NLRP10: variants seen among roughly 807,000 people sequenced by gnomAD.
The protein encoded by NLRP10 is NACHT, LRR and PYD domains-containing protein 10.
In NLRP10, 7 loss-of-function variants were observed where a neutral mutation model predicts 8.2. That is an observed-to-expected ratio of 0.85 (90% CI 0.48 to 1.60). The LOEUF is 1.60. Ranked by LOEUF, NLRP10 falls within the 40% of genes most tolerant of loss-of-function variation. The pLI is 0.00. For missense variants in NLRP10, 814 were observed against 776.3 expected (o/e 1.05, Z -0.58); for synonymous variants, 338 against 314.0 (o/e 1.08, Z -0.81).
intron 2 of NLRP10, 78 bp from the exon 3 acceptor site, chr11:7,961,400 C>T: frequency 1.1e-6 from 1 of 893,596 alleles, no homozygotes; most frequent in Non-Finnish European, 1.7e-6. Flanking sequence ...ACTGACTCTG[C>T]TCATTAGTCT....
intron 1 of NLRP10, 55 bp from the exon 2 acceptor site, chr11:7,963,595 TG>T (rs958541882): frequency 2.1e-4 from 239 of 1,121,766 alleles, no homozygotes; most frequent in Non-Finnish European, 2.8e-4. Flanking sequence ...CCCTGCTTTC[TG>T]GGGGCTTGGC....
chr11:7,963,245 A>T lies in NLRP10; in HGVS notation c.251T>A (p.Leu84Ter). ...ATGGCTGAGCTGGTCCACAAGTTCC[A>T]ACAGGTTCATGACCTTCAAGCCCTT... The part of the protein sequence containing the change: ...VLKGLKVMNL[L>*]ELVDQLSHIC... Residue 84 changes from leucine (L) to a stop codon, truncating the protein, a stop_gained, in exon 2 of 3, where the codon TTG becomes TAG. Transcript: ENST00000691676. LOFTEE classifies it low-confidence loss of function (END_TRUNC). The T allele has an allele frequency of 1.2e-6, 2 of 1,614,182 alleles. No homozygotes were observed. Among genetic ancestry groups the T allele is most frequent in the Admixed American group, 1.7e-5 (1 of 60,024 alleles).
chr11:7,963,186 C>T (rs773445685), intron 2 of NLRP10, 21 bp downstream of exon 2: 1 of 1,607,476 alleles, frequency 6.2e-7, no homozygotes, highest in East Asian at 2.2e-5. Flanking sequence ...CTGCCCTCCC[C>T]TTCCCCCGCT....
intron 1 of NLRP10, among the ~76,000 whole-genome samples, chr11:7,964,594 C>T (rs138755408): frequency 6.1e-4 from 93 of 152,226 alleles, no homozygotes; most frequent in Middle Eastern, 3.4e-3. Flanking sequence ...GCTAGGCCAC[C>T]GGGCAAAGAG....
chr11:7,960,111 C>T lies in NLRP10; in HGVS notation c.1501G>A (p.Val501Ile). Residue 501 changes from valine (V) to isoleucine (I), a missense_variant, in exon 3 of 3, where the codon GTA becomes ATA. By Grantham distance (29) the Val-to-Ile change is conservative. Transcript: ENST00000691676. Reference sequence around the variant, plus strand: ...TCATCATTCCCTTCCTGCTCCTTTACCTCCAGCAGCCTTTGCACTTCTCTG... The same window carrying T: ...TCATCATTCCCTTCCTGCTCCTTTATCTCCAGCAGCCTTTGCACTTCTCTG... ...SRREVQRLLE[V>I]KEQEGNDEMT... The T allele has an allele frequency of 6.2e-7, 1 of 1,614,118 alleles. No individual in the cohort carries two copies. Among genetic ancestry groups the T allele is most frequent in the Non-Finnish European group, 8.5e-7 (1 of 1,179,996 alleles).
chr11:7,959,700 C>T lies in NLRP10; in HGVS notation c.1912G>A (p.Ala638Thr). ...KDNIAGTQKE[A>T]STGKGRGTEE... Reference sequence around the variant, plus strand: ...GTCCCTCTGCCTTTTCCAGTAGAAGCTTCCTTTTGTGTTCCTGCTATATTA... The same window carrying T: ...GTCCCTCTGCCTTTTCCAGTAGAAGTTTCCTTTTGTGTTCCTGCTATATTA... Residue 638 changes from alanine to threonine, a missense_variant, in exon 3 of 3, where the codon GCT becomes ACT. Coordinates refer to ENST00000691676, the MANE Select transcript of NLRP10 (RefSeq NM_001391958.1). 1 of 1,596,488 alleles carries T rather than the reference C, an allele frequency of 6.3e-7. No individual in the cohort carries two copies. The highest frequency in any genetic ancestry group is 1.2e-5 in the South Asian group (1 of 86,894).
In NLRP10 at chr11:7,961,201, T is replaced by C; in HGVS notation, c.411A>G (p.Ser137=). 1.9e-6 allele frequency: 3 copies of C among 1,613,670 alleles called. No homozygotes were observed. Among genetic ancestry groups the C allele is most frequent in the Non-Finnish European group, 2.5e-6 (3 of 1,179,852 alleles). Reference sequence around the variant, plus strand: ...CCTGCTCCGGGAAGGGGCAGGCAAGTGATTCTGGGCTCTCTGAGCTGGGCT... The same window carrying C: ...CCTGCTCCGGGAAGGGGCAGGCAAGCGATTCTGGGCTCTCTGAGCTGGGCT... ...VAKPSSESPE[S]LACPFPEQEL... The change falls in exon 3 of 3, where the codon TCA becomes TCG. Residue 137 remains serine, a synonymous_variant. Coordinates refer to ENST00000691676, the MANE Select transcript of NLRP10 (RefSeq NM_001391958.1).
In NLRP10 at chr11:7,960,820, C is replaced by T. The variant is rs112117055; in HGVS notation, c.792G>A (p.Lys264=). The change falls in exon 3 of 3, where the codon AAG becomes AAA. Residue 264 remains lysine (K), a synonymous_variant. Transcript: ENST00000691676. The part of the protein sequence containing the change: ...LQRPFEEKLK[K]RGLSPKESLL... Reference sequence around the variant, plus strand: ...GGCTCTCCTTGGGACTCAAACCCCTCTTCTTCAACTTTTCTTCAAAGGGCC... The same window carrying T: ...GGCTCTCCTTGGGACTCAAACCCCTTTTCTTCAACTTTTCTTCAAAGGGCC... The T allele has an allele frequency of 7.8e-4, 1,253 of 1,614,114 alleles. 7 individuals carry two copies. In the African/African-American group the frequency reaches 0.015, roughly 19 times the overall value.
Position 7,960,178 on chromosome 11 carries a change from G to A in NLRP10, c.1434C>T (p.Tyr478=). The change falls in exon 3 of 3, where the codon TAC becomes TAT. Residue 478 remains tyrosine, a synonymous_variant. Transcript: ENST00000691676. ...SFQDFFHAMS[Y]LVKEDQSRLG... ...GCCGGCTTTGGTCCTCTTTCACCAG[G>A]TAAGACATGGCATGAAAAAAGTCCT... is the stretch of plus-strand genomic sequence containing the variant. The A allele has an allele frequency of 1.2e-6, 2 of 1,614,132 alleles. No homozygotes were observed. Among genetic ancestry groups the A allele is most frequent in the Admixed American group, 1.7e-5 (1 of 60,016 alleles).
Position 7,960,690 on chromosome 11 carries a change from G to A in NLRP10, c.922C>T (p.Arg308Cys). ...RNLEPLLKQA[R>C]HVHILGFSEE... ...GAGAAGCCTAGGATATGGACATGAC[G>A]TGCTTGTTTCAGCAAGGGCTCCAGA... Residue 308 changes from arginine to cysteine, a missense_variant, in exon 3 of 3, where the codon CGT becomes TGT. Arg to Cys is a radical substitution (Grantham distance 180). Transcript: ENST00000691676. 1.2e-6 allele frequency: 2 copies of A among 1,614,186 alleles called. No individual in the cohort carries two copies. The highest frequency in any genetic ancestry group is 8.5e-7 in the Non-Finnish European group (1 of 1,180,032).
intron 2 of NLRP10, 88 bp from the exon 3 acceptor site, chr11:7,961,410 T>G: frequency 2.4e-6 from 2 of 823,214 alleles, no homozygotes; most frequent in Non-Finnish European, 1.9e-6. Context: ...CTCATTAGTC[T>G]TCTTGTATGT....
Position 7,959,736 on chromosome 11 carries a change from C to T in NLRP10, c.1876G>A (p.Glu626Lys), listed in dbSNP as rs1303589546. Residue 626 changes from glutamate (E) to lysine (K), a missense_variant, in exon 3 of 3, where the codon GAG becomes AAG. By Grantham distance (56) the Glu-to-Lys change is moderately conservative. Transcript: ENST00000691676. Reference sequence around the variant, plus strand: ...GTTCCTGCTATATTATCTTTGCCCTCCTTCTGTCCATGGACAGAAGGACAT... The same window carrying T: ...GTTCCTGCTATATTATCTTTGCCCTTCTTCTGTCCATGGACAGAAGGACAT... ...QKCPSVHGQK[E>K]GKDNIAGTQK... The T allele has an allele frequency of 6.2e-7, 1 of 1,613,316 alleles. No homozygotes were observed. The highest frequency in any genetic ancestry group is 1.3e-5 in the African/African-American group (1 of 74,840).
Position 7,959,752 on chromosome 11 carries a change from A to C in NLRP10, c.1860T>G (p.Ser620=). The C allele has an allele frequency of 6.2e-7, 1 of 1,613,592 alleles. No homozygotes were observed. The highest frequency in any genetic ancestry group is 8.5e-7 in the Non-Finnish European group (1 of 1,179,568). ...CTTTGCCCTCCTTCTGTCCATGGAC[A>C]GAAGGACATTTTTGCTCCTCCTTAG... ...HGPKEEQKCP[S]VHGQKEGKDN... Residue 620 remains serine (S), a synonymous_variant, in exon 3 of 3, where the codon TCT becomes TCG. Coordinates refer to ENST00000691676, the MANE Select transcript of NLRP10 (RefSeq NM_001391958.1).
In NLRP10 at chr11:7,960,952, C is replaced by T; in HGVS notation, c.660G>A (p.Glu220=). The T allele has an allele frequency of 6.2e-7, 1 of 1,614,210 alleles. No individual in the cohort carries two copies. Among genetic ancestry groups the T allele is most frequent in the Non-Finnish European group, 8.5e-7 (1 of 1,180,042 alleles). Residue 220 remains glutamate, a synonymous_variant, in exon 3 of 3, where the codon GAG becomes GAA. Coordinates refer to ENST00000691676, the MANE Select transcript of NLRP10 (RefSeq NM_001391958.1). The part of the protein sequence containing the change: ...EVVLLLESKL[E]QLLFWCCGDN... ...CCCCGCAGCACCAGAAAAGGAGCTG[C>T]TCCAGTTTGCTCTCCAGCAGCAGGA...
chr11:7,958,202 A>T lies in NLRP10; in HGVS notation c.*1442T>A, dbSNP rs1941652210. ...TATTCATGTGCAGGTTTTTATGTGGACATAAGTTTCCAACTCACTTGGGTT... is the reference window on the plus strand; with the variant it reads ...TATTCATGTGCAGGTTTTTATGTGGTCATAAGTTTCCAACTCACTTGGGTT... On this transcript the variant is annotated 3_prime_UTR_variant, in exon 3 of 3. Coordinates refer to ENST00000691676, the MANE Select transcript of NLRP10 (RefSeq NM_001391958.1). Among the ~76,000 whole-genome samples, 1 of 152,230 alleles carries T rather than the reference A, an allele frequency of 6.6e-6. No individual in the cohort carries two copies. Among genetic ancestry groups the T allele is most frequent in the Non-Finnish European group, 1.5e-5 (1 of 68,044 alleles).
At position 7,960,458 on chromosome 11, in the gene NLRP10, A is replaced by T; in HGVS notation, c.1154T>A (p.Phe385Tyr). ...CAGAAAGGTGGAGACGTAAGCCATG[A>T]AGATGTCAGTGCTGTTTCTAGGTGT... is the stretch of plus-strand genomic sequence containing the variant. ...LETPRNSTDI[F>Y]MAYVSTFLPP... The change falls in exon 3 of 3, where the codon TTC (phenylalanine) becomes TAC (tyrosine). Residue 385 changes from phenylalanine to tyrosine, a missense_variant. Coordinates refer to ENST00000691676, the MANE Select transcript of NLRP10 (RefSeq NM_001391958.1). The T allele has an allele frequency of 6.2e-7, 1 of 1,614,170 alleles. No homozygotes were observed. Among genetic ancestry groups the T allele is most frequent in the Non-Finnish European group, 8.5e-7 (1 of 1,180,036 alleles).
At chr11:7,962,646 G>A (rs1176770395) in intron 2 of NLRP10, among the ~76,000 whole-genome samples, 2 of 152,134 alleles carry the variant, frequency 1.3e-5, no homozygotes. Context: ...CGTAGCAGAG[G>A]AGCTTTCAAG....
rs1033185955 is a variant in NLRP10, at chr11:7,958,436, C to T, written c.*1208G>A. ...CATTCTAACAGGGGTGTCATGGTAT[C>T]TTATTGTGGTTTTAGTTTGCAATTC... On this transcript the variant is annotated 3_prime_UTR_variant, in exon 3 of 3. Transcript: ENST00000691676. Among the ~76,000 whole-genome samples, 6 of 152,130 alleles carry T rather than the reference C, an allele frequency of 3.9e-5. No homozygotes were observed. Among genetic ancestry groups the T allele is most frequent in the African/African-American group, 1.4e-4 (6 of 41,408 alleles).
At position 7,959,489 on chromosome 11, in the gene NLRP10, A is replaced by G; in HGVS notation, c.*155T>C. 1 of 533,482 alleles carries G rather than the reference A, an allele frequency of 1.9e-6. No individual in the cohort carries two copies. The allele number at this position is 533,482 out of a possible 1,614,324, so 33.0% of individuals were successfully genotyped here. On this transcript the variant is annotated 3_prime_UTR_variant, in exon 3 of 3. Transcript: ENST00000691676. Reference sequence around the variant, plus strand: ...TCTTGATTGGGATTGCATTGAATCTACAGATCAAACTGGGGAAAACTAACA... The same window carrying G: ...TCTTGATTGGGATTGCATTGAATCTGCAGATCAAACTGGGGAAAACTAACA...
Sources: allele counts gnomAD v4.1 joint callset (sites outside exome capture counted in the v4.1 genomes callset), GRCh38; gene constraint gnomAD v4.1.1; transcripts MANE v1.5; gene names NCBI Gene and HGNC (gene_info 2026-07-23, HGNC 2026-07-21).